Variants in DNAJC13 observed in about 807,000 individuals in gnomAD.
The protein encoded by DNAJC13 is DnaJ heat shock protein family (Hsp40) member C13.
Under a neutral mutation model 290.5 loss-of-function variants are expected in DNAJC13, and 75 were observed. The ratio of observed to expected loss-of-function variants is 0.26; its 90% CI spans 0.21 to 0.31. DNAJC13 has a LOEUF of 0.31. Among genes scored for constraint, DNAJC13 ranks in the 10% least tolerant of loss-of-function variants. The pLI is 1.00. For missense variants in DNAJC13, 2,260 were observed against 2,674.5 expected (o/e 0.85, Z 3.42); for synonymous variants, 862 against 892.0 (o/e 0.97, Z 0.60).
At chr3:132,418,704 C>T (rs143582469) in intron 1 of DNAJC13, among the ~76,000 whole-genome samples, 2 of 152,244 alleles carry the variant, frequency 1.3e-5, no homozygotes, top group Non-Finnish European at 2.9e-5. Flanking sequence ...TTATGTTGAG[C>T]CTTTTGTAAT....
intron 32 of DNAJC13, among the ~76,000 whole-genome samples, chr3:132,491,353 A>G (rs1337944868): frequency 1.3e-5 from 2 of 152,042 alleles, no homozygotes; most frequent in Non-Finnish European, 2.9e-5. Flanking sequence ...ATGAACTGAT[A>G]ATATATATAT....
chr3:132,531,083 C>G lies in DNAJC13; in HGVS notation c.6611C>G (p.Ala2204Gly). ...HDLFISESQT[A>G]GYLTGPGVAG... The stretch of plus-strand genomic sequence containing the variant: ...TTGTTCATTTCTGAGTCACAAACAG[C>G]AGGATACCTCACAGGTAAGCCATAC... Residue 2204 changes from alanine to glycine, a missense_variant, in exon 55 of 56, where the codon GCA becomes GGA. Ala to Gly is a moderately conservative substitution (Grantham distance 60). Transcript: ENST00000260818. 6.2e-7 allele frequency: 1 copy of G among 1,613,982 alleles called. No homozygotes were observed. Among genetic ancestry groups the G allele is most frequent in the South Asian group, 1.1e-5 (1 of 91,086 alleles).
intron 1 of DNAJC13, 108 bp from the exon 2 acceptor site, chr3:132,434,425 ATACGG>A: frequency 1.5e-6 from 1 of 675,114 alleles, no homozygotes; most frequent in Non-Finnish European, 2.5e-6. Context: ...TGTAAAGGAT[ATACGG>A]CAGGCTGTGA....
intron 1 of DNAJC13, among the ~76,000 whole-genome samples, chr3:132,425,838 C>T (rs1939075343): frequency 6.6e-6 from 1 of 152,028 alleles, no homozygotes; most frequent in African/African-American, 2.4e-5. Flanking sequence ...TGTGTATATA[C>T]TTAATTTTGC....
At chr3:132,478,596 T>G (rs1427870769) in intron 24 of DNAJC13, among the ~76,000 whole-genome samples, 2 of 152,148 alleles carry the variant, frequency 1.3e-5, no homozygotes, top group East Asian at 1.9e-4. Context: ...TACAAAAAAT[T>G]TTATACAGTT....
chr3:132,526,154 C>A lies in DNAJC13; in HGVS notation c.6254C>A (p.Ala2085Asp). 1 of 1,613,964 alleles carries A rather than the reference C, an allele frequency of 6.2e-7. No individual in the cohort carries two copies. Among genetic ancestry groups the A allele is most frequent in the South Asian group, 1.1e-5 (1 of 91,068 alleles). ...TTGGGCACTTAGCTGTGTGTTCGAG[C>A]CATGGCATCTTTAGAGACCATTGGC... is the stretch of plus-strand genomic sequence containing the variant. ...ALSENELCVR[A>D]MASLETIGPL... The change falls in exon 53 of 56, where the codon GCC (alanine) becomes GAC (aspartate). Residue 2085 changes from alanine to aspartate, a missense_variant. Physicochemically the swap from Ala to Asp is moderately radical, Grantham distance 126 (BLOSUM62 -2). Transcript: ENST00000260818.
intron 29 of DNAJC13, among the ~76,000 whole-genome samples, chr3:132,487,412 A>G (rs1349340155): frequency 6.6e-6 from 1 of 150,642 alleles, no homozygotes; most frequent in African/African-American, 2.5e-5. Flanking sequence ...ACCTGCCACC[A>G]TGCCCGGCTA....
intron 13 of DNAJC13, among the ~76,000 whole-genome samples, chr3:132,458,754 T>A (rs1339601035): frequency 6.6e-6 from 1 of 152,180 alleles, no homozygotes; most frequent in Admixed American, 6.5e-5. Context: ...ACCTACTATG[T>A]ACCCACAACA....
chr3:132,494,617 G>A (rs938035434), intron 34 of DNAJC13, among the ~76,000 whole-genome samples: 11 of 152,040 alleles, frequency 7.2e-5, no homozygotes, highest in African/African-American at 2.7e-4. Context: ...ATATGCCTAG[G>A]ACACCAAATG....
intron 55 of DNAJC13, chr3:132,537,199 C>T (rs1329757745): frequency 4.4e-6 from 2 of 456,192 alleles, no homozygotes; most frequent in African/African-American, 4.0e-5. Flanking sequence ...CCCCCTTCAC[C>T]TCAGGAGCGG....
intron 1 of DNAJC13, 88 bp from the exon 2 acceptor site, chr3:132,434,450 A>G: frequency 1.1e-6 from 1 of 877,350 alleles, no homozygotes; most frequent in South Asian, 1.6e-5. Context: ...AAAGTGAGAG[A>G]GCGATCTTGC....
rs1259757427 is a variant in DNAJC13 at position 132,502,462 on chromosome 3, C to T, written c.4710C>T (p.Asn1570=). ...GCATTCAGAAAAGTGAAGAAACAAACCAGCAGGTAACTTTAACATTGCTTT... is the reference window on the plus strand; with the variant it reads ...GCATTCAGAAAAGTGAAGAAACAAATCAGCAGGTAACTTTAACATTGCTTT... ...ESGIQKSEET[N]QQEVANSLAK... The change falls in exon 40 of 56, where the codon AAC becomes AAT. Residue 1570 remains asparagine (N), a synonymous_variant. Transcript: ENST00000260818. The T allele has an allele frequency of 1.2e-6, 2 of 1,604,990 alleles. No homozygotes were observed. Among genetic ancestry groups the T allele is most frequent in the Non-Finnish European group, 1.7e-6 (2 of 1,175,296 alleles).
At chr3:132,499,333 C>T in intron 37 of DNAJC13, 23 bp downstream of exon 37, 1 of 1,549,720 alleles carries the variant, frequency 6.5e-7, no homozygotes, top group Non-Finnish European at 8.7e-7. Context: ...GACCTTTGTG[C>T]TTTTTAAGCC....
At chr3:132,517,633 T>C (rs1935956376) in intron 48 of DNAJC13, among the ~76,000 whole-genome samples, 2 of 152,092 alleles carry the variant, frequency 1.3e-5, no homozygotes, top group African/African-American at 4.8e-5. Context: ...CGGACTGATA[T>C]TTAGGGATCA....
Position 132,466,039 on chromosome 3 carries a change from C to G in DNAJC13, c.1937C>G (p.Ala646Gly). ...GTGGGACTCTGGACAGCTGATAATG[C>G]AACTGCAACAAACTTGTTGAAACGC... is the stretch of plus-strand genomic sequence containing the variant. The part of the protein sequence containing the change: ...HLVGLWTADN[A>G]TATNLLKRIL... The change falls in exon 18 of 56, where the codon GCA becomes GGA. Residue 646 changes from alanine (A) to glycine (G), a missense_variant. By Grantham distance (60) the Ala-to-Gly change is moderately conservative. Around this residue, in one of 3 missense-constraint regions of DNAJC13, gnomAD observed 762 missense variants for 964.1 expected, o/e 0.79. Coordinates refer to ENST00000260818, the MANE Select transcript of DNAJC13 (RefSeq NM_015268.4). 1.9e-6 allele frequency: 3 copies of G among 1,613,966 alleles called. No individual in the cohort carries two copies. The highest frequency in any genetic ancestry group is 2.5e-6 in the Non-Finnish European group (3 of 1,179,882).
chr3:132,456,604 G>C, intron 11 of DNAJC13, 24 bp downstream of exon 11: 1 of 1,613,130 alleles, frequency 6.2e-7, no homozygotes, highest in Non-Finnish European at 8.5e-7. Flanking sequence ...TATCATAATT[G>C]TTCATTGTTA....
At chr3:132,446,606 G>A (rs1438272267) in intron 3 of DNAJC13, 56 bp downstream of exon 3, 1 of 1,264,828 alleles carries the variant, frequency 7.9e-7, no homozygotes, top group Admixed American at 2.2e-5. Flanking sequence ...AATTTTAAAA[G>A]CCAGGCTGTG....
chr3:132,499,884 C>T, intron 38 of DNAJC13, 76 bp downstream of exon 38: 2 of 1,343,002 alleles, frequency 1.5e-6, no homozygotes, highest in Middle Eastern at 1.8e-4. Context: ...TGAGAATCAA[C>T]TGGAGGGCTC....
At chr3:132,445,995 G>A (rs528975150) in intron 2 of DNAJC13, among the ~76,000 whole-genome samples, 2 of 152,188 alleles carry the variant, frequency 1.3e-5, no homozygotes, top group East Asian at 3.9e-4. Context: ...GATGTAATAG[G>A]TAGTTGCTTA....
Sources: gnomAD v4.1 joint callset for allele counts (sites outside exome capture counted in the v4.1 genomes callset) on GRCh38, gnomAD v4.1.1 for gene constraint, gnomAD v4.1.1 regional missense constraint, MANE v1.5 for transcripts, NCBI Gene and HGNC (gene_info 2026-07-23, HGNC 2026-07-21) for gene names.